Variants in PRR5 observed in about 807,000 individuals in gnomAD.
PRR5 encodes proline-rich protein 5.
In PRR5, 25 loss-of-function variants were observed where a neutral mutation model predicts 30.6. The ratio of observed to expected loss-of-function variants is 0.82; its 90% CI spans 0.60 to 1.14. The LOEUF (loss-of-function observed/expected upper bound fraction) is 1.14, where lower values mean the gene tolerates loss of function less well. Ranked by LOEUF, PRR5 falls within the 50% of genes most tolerant of loss-of-function variation. The probability of loss-of-function intolerance (pLI) is 0.00; values close to 1 mark genes in which losing one functional copy is unlikely to be tolerated. For synonymous variants in PRR5, 286 were observed against 247.1 expected (o/e 1.16, Z -1.48); for missense variants, 600 against 547.1 (o/e 1.10, Z -0.96).
At chr22:44,668,890 G>A (rs1035942312) in intron 1 of PRR5, 2 of 148,950 alleles carry the variant, frequency 1.3e-5, no homozygotes, top group Non-Finnish European at 3.0e-5. Flanking sequence ...CGACCCTGCG[G>A]AAGGGGGGGC....
intron 1 of PRR5, among the ~76,000 whole-genome samples, chr22:44,711,355 G>A (rs931256865): frequency 7.2e-5 from 11 of 152,172 alleles, no homozygotes; most frequent in Admixed American, 3.9e-4. Flanking sequence ...TGGAGGCCCC[G>A]GGGCAGAAAG....
At chr22:44,714,449 A>G in intron 1 of PRR5, 142 bp from the exon 2 acceptor site, 1 of 1,175,890 alleles carries the variant, frequency 8.5e-7, no homozygotes, top group South Asian at 1.5e-5. Flanking sequence ...AGGGCCTCGG[A>G]GTTGAAGTGG....
chr22:44,717,648 G>C (rs1460788699), intron 2 of PRR5, among the ~76,000 whole-genome samples: 1 of 151,662 alleles, frequency 6.6e-6, no homozygotes, highest in Non-Finnish European at 1.5e-5. Context: ...AGCCCTTCAC[G>C]CCTGGCTTCT....
intron 4 of PRR5, chr22:44,730,429 T>A: frequency 1.0e-6 from 1 of 985,394 alleles, no homozygotes; most frequent in South Asian, 4.7e-5. Context: ...CTCCGCTCAG[T>A]CCAGGCAGAA....
intron 2 of PRR5, among the ~76,000 whole-genome samples, chr22:44,718,248 G>A (rs890759107): frequency 3.0e-5 from 4 of 132,932 alleles, no homozygotes; most frequent in Non-Finnish European, 6.1e-5. Flanking sequence ...AGACTGGAGT[G>A]CAGTGGGGCG....
In PRR5 at chr22:44,736,809, G is replaced by T; in HGVS notation, c.729G>T (p.Val243=). The change falls in exon 8 of 8, where the codon GTG becomes GTT. Residue 243 remains valine (V), a synonymous_variant. Coordinates refer to ENST00000336985, the MANE Select transcript of PRR5 (RefSeq NM_181333.4). ...TCCGCCGCTCCCGCTCGGGGGACGT[G>T]CTGGCCAAGAACCCTGTGGTGCGCT... ...RLLRRSRSGD[V]LAKNPVVRSK... is the part of the protein sequence containing the mutation. 6.3e-7 allele frequency: 1 copy of T among 1,576,316 alleles called. No individual in the cohort carries two copies.
intron 1 of PRR5, among the ~76,000 whole-genome samples, chr22:44,705,367 A>G (rs1377149315): frequency 6.6e-6 from 1 of 151,970 alleles, no homozygotes; most frequent in Non-Finnish European, 1.5e-5. Context: ...ACTCTTGTCC[A>G]GGCTGGAGTG....
intron 4 of PRR5, among the ~76,000 whole-genome samples, chr22:44,728,034 C>T (rs1190780012): frequency 1.3e-5 from 2 of 152,192 alleles, no homozygotes; most frequent in African/African-American, 4.8e-5. Flanking sequence ...CCAGATCTGG[C>T]CTAGGGGAGC....
intron 4 of PRR5, chr22:44,730,865 C>G (rs1207246982): frequency 2.2e-6 from 1 of 448,346 alleles, no homozygotes; most frequent in African/African-American, 2.0e-5. Flanking sequence ...CAGCCTCTGT[C>G]TGCTTGGTGG....
At chr22:44,697,881 G>A (rs1416837838), upstream of PRR5, among the ~76,000 whole-genome samples, 2 of 152,162 alleles carry the variant, frequency 1.3e-5, no homozygotes, top group African/African-American at 4.8e-5. Flanking sequence ...TTTAGTGGCC[G>A]CCCCTGTATC....
intron 4 of PRR5, chr22:44,730,133 T>G (rs1171969730): frequency 7.4e-5 from 73 of 984,894 alleles, no homozygotes; most frequent in Non-Finnish European, 3.6e-6. Flanking sequence ...CCTAGTGCCC[T>G]CGAACCTACA....
At chr22:44,704,205 G>A (rs1223642430) in intron 1 of PRR5, among the ~76,000 whole-genome samples, 1 of 152,230 alleles carries the variant, frequency 6.6e-6, no homozygotes, top group Non-Finnish European at 1.5e-5. Flanking sequence ...CAGTGGACCA[G>A]TGTCGGGGTG....
intron 2 of PRR5, among the ~76,000 whole-genome samples, chr22:44,720,435 T>C (rs981453033): frequency 3.3e-5 from 5 of 152,134 alleles, no homozygotes; most frequent in Non-Finnish European, 7.4e-5. Context: ...ATCTCTGGAG[T>C]GAACATGGTT....
intron 2 of PRR5, among the ~76,000 whole-genome samples, 180 bp downstream of exon 2, chr22:44,714,851 G>T (rs893878268): frequency 6.6e-6 from 1 of 152,228 alleles, no homozygotes; most frequent in Non-Finnish European, 1.5e-5. Context: ...CCAGGACGTG[G>T]TTTCCCGAGC....
Position 44,732,316 on chromosome 22 carries a change from G to A in PRR5, c.480G>A (p.Val160=). 2 of 1,612,402 alleles carry A rather than the reference G, an allele frequency of 1.2e-6. No homozygotes were observed. The highest frequency in any genetic ancestry group is 2.2e-5 in the South Asian group (2 of 91,052). Residue 160 remains valine, a synonymous_variant, in exon 6 of 8, where the codon GTG becomes GTA. Coordinates refer to ENST00000336985, the MANE Select transcript of PRR5 (RefSeq NM_181333.4). The stretch of plus-strand genomic sequence containing the variant: ...TCCGGAATGCCATCACCCTCAGTGT[G>A]AAGCTAGAGGATGCGCTGGCCCGGG... ...LHFRNAITLS[V]KLEDALARAH... is the part of the protein sequence containing the mutation.
chr22:44,689,944 C>T (rs547003006), intron 1 of PRR5, among the ~76,000 whole-genome samples: 5 of 152,334 alleles, frequency 3.3e-5, no homozygotes, highest in South Asian at 2.1e-4. Context: ...CCATCATACC[C>T]GGCCTCATTC....
intron 1 of PRR5, among the ~76,000 whole-genome samples, chr22:44,696,328 T>A (rs571619413): frequency 1.3e-5 from 2 of 152,274 alleles, no homozygotes; most frequent in Non-Finnish European, 2.9e-5. Flanking sequence ...GCTTGGACAG[T>A]CACCTCCTTA....
At chr22:44,711,399 G>C (rs371031903) in intron 1 of PRR5, among the ~76,000 whole-genome samples, 9 of 152,282 alleles carry the variant, frequency 5.9e-5, no homozygotes, top group African/African-American at 2.2e-4. Context: ...GGCCTCAAGG[G>C]GGTAGTCAGG....
At chr22:44,683,748 CT>C (rs1024361322) in intron 1 of PRR5, among the ~76,000 whole-genome samples, 3 of 152,222 alleles carry the variant, frequency 2.0e-5, no homozygotes, top group African/African-American at 7.2e-5. Context: ...GAGTCACCCC[CT>C]CTCTCCTCCC....
Sources: allele counts gnomAD v4.1 joint callset (sites outside exome capture counted in the v4.1 genomes callset), GRCh38; gene constraint gnomAD v4.1.1; transcripts MANE v1.5; gene names NCBI Gene and HGNC (gene_info 2026-07-23, HGNC 2026-07-21).